SLC9A9: variants seen among roughly 807,000 people sequenced by gnomAD.
SLC9A9 encodes solute carrier family 9 member A9, also known as sodium/hydrogen exchanger 9.
SLC9A9 carries 62 observed loss-of-function variants against 77.8 expected under a neutral mutation model. The ratio of observed to expected loss-of-function variants is 0.80; its 90% CI spans 0.65 to 0.98. The LOEUF (loss-of-function observed/expected upper bound fraction) is 0.98. SLC9A9 is among the 50% of genes least tolerant of loss of function. SLC9A9 has a pLI of 0.00. For synonymous variants in SLC9A9, 320 were observed against 283.5 expected (o/e 1.13, Z -1.29); for missense variants, 775 against 774.9 (o/e 1.00, Z 0.00).
intron 9 of SLC9A9, among the ~76,000 whole-genome samples, chr3:143,512,606 G>A (rs62269767): frequency 0.22 from 32,819 of 152,142 alleles, 3,613 homozygotes; most frequent in South Asian, 0.29. Context: ...GGCTGGGTGC[G>A]GTGGCTCACG....
intron 4 of SLC9A9, among the ~76,000 whole-genome samples, chr3:143,713,001 C>T (rs1239556687): frequency 6.6e-6 from 1 of 152,034 alleles, no homozygotes; most frequent in Non-Finnish European, 1.5e-5. Flanking sequence ...TCTCAGATCC[C>T]CCTGAAGAAA....
chr3:143,816,750 T>G (rs1463660497), intron 2 of SLC9A9, among the ~76,000 whole-genome samples: 2 of 152,222 alleles, frequency 1.3e-5, no homozygotes, highest in Non-Finnish European at 2.9e-5. Flanking sequence ...TTAGAGGGGC[T>G]ACCCAATTTA....
chr3:143,369,574 A>T lies in SLC9A9; in HGVS notation c.1525-6011T>A, dbSNP rs540983565. Among the ~76,000 whole-genome samples, 43 of 152,308 alleles carry T rather than the reference A, an allele frequency of 2.8e-4. 2 individuals carry two copies. The South Asian group carries it at 8.9e-3, about 32-fold the overall frequency. On this transcript the variant is annotated intron_variant, in intron 13 of 15. Transcript: ENST00000316549. ...AATTACCTTGACTTGATCATTACACATTGCATACATGTATCAAATTATCAT... is the reference window on the plus strand; with the variant it reads ...AATTACCTTGACTTGATCATTACACTTTGCATACATGTATCAAATTATCAT...
intron 14 of SLC9A9, among the ~76,000 whole-genome samples, chr3:143,308,202 G>A (rs745402759): frequency 1.5e-4 from 23 of 152,146 alleles, no homozygotes; most frequent in Non-Finnish European, 2.6e-4. Flanking sequence ...CTATTGACAC[G>A]TATATAAAAT....
intron 8 of SLC9A9, among the ~76,000 whole-genome samples, chr3:143,569,401 C>T (rs1346634203): frequency 6.6e-6 from 1 of 151,486 alleles, no homozygotes; most frequent in Non-Finnish European, 1.5e-5. Flanking sequence ...TTTAAATAGG[C>T]AAAAGTTGAT....
Position 143,491,631 on chromosome 3 carries a change from C to T in SLC9A9, c.1315+2022G>A, listed in dbSNP as rs114666315. Among the ~76,000 whole-genome samples the T allele has an allele frequency of 3.2e-3, 492 of 152,206 alleles. 2 individuals are homozygous for T. The highest frequency in any genetic ancestry group is 6.8e-3 in the Middle Eastern group (2 of 294). ...GGTTTTAACGCAGCTCCAATACTAC[C>T]GTTAAACAAACTTAGAAGGTGCGAA... On this transcript the variant is annotated intron_variant, in intron 11 of 15. Coordinates refer to ENST00000316549, the MANE Select transcript of SLC9A9 (RefSeq NM_173653.4).
At chr3:143,568,340 G>A (rs936555736) in intron 8 of SLC9A9, among the ~76,000 whole-genome samples, 2 of 152,090 alleles carry the variant, frequency 1.3e-5, no homozygotes, top group African/African-American at 4.8e-5. Flanking sequence ...GTTATCCATT[G>A]GAGTTGGGGG....
chr3:143,405,532 A>C (rs1461567841), intron 12 of SLC9A9, among the ~76,000 whole-genome samples: 1 of 152,190 alleles, frequency 6.6e-6, no homozygotes, highest in Admixed American at 6.5e-5. Context: ...TATGAGTAGA[A>C]GCTGAAAAGG....
In SLC9A9 at chr3:143,832,080, T is replaced by A; in HGVS notation, c.317A>T (p.Tyr106Phe). The A allele has an allele frequency of 1.2e-6, 2 of 1,613,226 alleles. No homozygotes were observed. Among genetic ancestry groups the A allele is most frequent in the Middle Eastern group, 1.7e-4 (1 of 6,046 alleles). The stretch of plus-strand genomic sequence containing the variant: ...GTTGTGCTGACTTATTTCTCTTTTG[T>A]ATTTATATTCATAAACTTGGTCAGT... Reference protein sequence around the residue: ...NITDQVYEYKYKREISQHNIN... With the variant: ...NITDQVYEYKFKREISQHNIN... Residue 106 changes from tyrosine to phenylalanine, a missense_variant, in exon 2 of 16, where the codon TAC becomes TTC. Tyr to Phe is a conservative substitution (Grantham distance 22). Transcript: ENST00000316549.
At chr3:143,764,120 G>A (rs1333600323) in intron 4 of SLC9A9, among the ~76,000 whole-genome samples, 1 of 152,094 alleles carries the variant, frequency 6.6e-6, no homozygotes. Context: ...GTAAGGAAAG[G>A]GAAAGGAAAA....
At chr3:143,543,606 C>T (rs6784766) in intron 9 of SLC9A9, among the ~76,000 whole-genome samples, 2,988 of 152,136 alleles carry the variant, frequency 0.02, 34 homozygotes, top group Non-Finnish European at 0.028. Context: ...GAGTGCCCAA[C>T]GTTTATCTCC....
intron 12 of SLC9A9, among the ~76,000 whole-genome samples, chr3:143,435,928 C>G (rs59390365): frequency 0.014 from 2,087 of 152,320 alleles, 49 homozygotes; most frequent in African/African-American, 0.047. Context: ...GCAGGGGCTG[C>G]CTGGGCCAGT....
chr3:143,803,083 G>T (rs1395578525), intron 2 of SLC9A9, among the ~76,000 whole-genome samples: 1 of 152,038 alleles, frequency 6.6e-6, no homozygotes, highest in African/African-American at 2.4e-5. Flanking sequence ...CTACAACCTC[G>T]ATGGACTGGA....
At position 143,266,626 on chromosome 3, in the gene SLC9A9, C is replaced by T; in HGVS notation, c.*76G>A. The T allele has an allele frequency of 6.9e-7, 1 of 1,454,940 alleles. No homozygotes were observed. The highest frequency in any genetic ancestry group is 9.6e-7 in the Non-Finnish European group (1 of 1,040,382). 90.1% of individuals were successfully genotyped at this position (1,454,940 alleles called of 1,614,324 possible). ...TATGTTTTCCAGCCTCTCCCCTGTA[C>T]TGCCTCATCAGCTTGGCTTGTATTC... On this transcript the variant is annotated 3_prime_UTR_variant, in exon 16 of 16. Coordinates refer to ENST00000316549, the MANE Select transcript of SLC9A9 (RefSeq NM_173653.4).
chr3:143,371,219 C>G (rs1357021493), intron 13 of SLC9A9, among the ~76,000 whole-genome samples: 1 of 152,164 alleles, frequency 6.6e-6, no homozygotes, highest in African/African-American at 2.4e-5. Flanking sequence ...TCACATAGTG[C>G]TAAGAAACAC....
At chr3:143,829,490 T>G (rs2108887288) in intron 2 of SLC9A9, among the ~76,000 whole-genome samples, 1 of 152,142 alleles carries the variant, frequency 6.6e-6, no homozygotes, top group Non-Finnish European at 1.5e-5. Context: ...AAGTGCCATC[T>G]CCCCAAGAAG....
At chr3:143,450,610 A>T (rs979315704) in intron 12 of SLC9A9, among the ~76,000 whole-genome samples, 1 of 152,198 alleles carries the variant, frequency 6.6e-6, no homozygotes, top group Non-Finnish European at 1.5e-5. Context: ...CTATTTAATG[A>T]AAAGTAAAGA....
intron 14 of SLC9A9, among the ~76,000 whole-genome samples, chr3:143,330,471 A>C (rs1576428894): frequency 6.6e-6 from 1 of 152,200 alleles, no homozygotes; most frequent in East Asian, 1.9e-4. Flanking sequence ...ATTAATCTTC[A>C]TTTAAATGTA....
intron 12 of SLC9A9, among the ~76,000 whole-genome samples, chr3:143,454,484 G>A (rs1280775711): frequency 6.6e-6 from 1 of 152,068 alleles, no homozygotes; most frequent in African/African-American, 2.4e-5. Flanking sequence ...TCCATTTTGA[G>A]TCAATTTCTT....
Sources: allele counts gnomAD v4.1 joint callset (sites outside exome capture counted in the v4.1 genomes callset), GRCh38; gene constraint gnomAD v4.1.1; transcripts MANE v1.5; gene names NCBI Gene and HGNC (gene_info 2026-07-23, HGNC 2026-07-21).